Variants in RUFY3 observed in about 807,000 individuals in gnomAD.
RUFY3 encodes protein RUFY3.
Under a neutral mutation model 84.0 loss-of-function variants are expected in RUFY3, and 34 were observed. That is an observed-to-expected ratio of 0.40 (90% CI 0.31 to 0.54). RUFY3 has a LOEUF of 0.54. RUFY3 is among the 20% of genes least tolerant of loss of function. The probability of loss-of-function intolerance (pLI) is 0.39; values close to 1 mark genes in which losing one functional copy is unlikely to be tolerated. For synonymous variants in RUFY3, 242 were observed against 252.9 expected (o/e 0.96, Z 0.41); for missense variants, 507 against 736.8 (o/e 0.69, Z 3.61).
intron 1 of RUFY3, among the ~76,000 whole-genome samples, chr4:70,738,877 A>G (rs1437077485): frequency 6.6e-6 from 1 of 151,698 alleles, no homozygotes; most frequent in African/African-American, 2.4e-5. Context: ...GCCTCAAGAG[A>G]TCCTCCTGTT....
At chr4:70,744,359 T>C (rs1027697381) in intron 1 of RUFY3, among the ~76,000 whole-genome samples, 1 of 123,300 alleles carries the variant, frequency 8.1e-6, no homozygotes, top group Admixed American at 7.7e-5. Flanking sequence ...GGCTAATTTT[T>C]ATGTATGTAT....
intron 6 of RUFY3, among the ~76,000 whole-genome samples, chr4:70,774,020 A>G (rs138693540): frequency 3.3e-5 from 5 of 152,342 alleles, no homozygotes; most frequent in East Asian, 1.9e-4. Context: ...CTCTTCTTGT[A>G]TATCTAAAAT....
upstream of RUFY3, chr4:70,703,998 T>C (rs1008337635): frequency 6.6e-6 from 1 of 152,136 alleles, no homozygotes; most frequent in African/African-American, 2.4e-5. Context: ...GAAAGAAATG[T>C]TTACTTAAGG....
intron 14 of RUFY3, among the ~76,000 whole-genome samples, chr4:70,798,240 G>A (rs546850422): frequency 7.9e-5 from 12 of 151,480 alleles, no homozygotes; most frequent in East Asian, 5.9e-4. Flanking sequence ...GTGGTGGCTC[G>A]TGCCTATAGT....
intron 12 of RUFY3, chr4:70,789,824 A>G: frequency 8.5e-7 from 1 of 1,174,922 alleles, no homozygotes; most frequent in Non-Finnish European, 1.1e-6. Flanking sequence ...AAGAAAGGTC[A>G]GCCTTTTATG....
intron 2 of RUFY3, 67 bp from the exon 3 acceptor site, chr4:70,763,485 G>T: frequency 8.5e-7 from 1 of 1,174,266 alleles, no homozygotes; most frequent in Non-Finnish European, 1.2e-6. Context: ...GTGTATGTGT[G>T]TGTGTATTGA....
At chr4:70,741,575 G>T in intron 1 of RUFY3, 3 of 1,453,672 alleles carry the variant, frequency 2.1e-6, no homozygotes, top group East Asian at 2.5e-5. Context: ...TTTCTTTCTG[G>T]GCTTGCATGA....
chr4:70,712,769 A>G (rs997459783), intron 1 of RUFY3, among the ~76,000 whole-genome samples: 5 of 152,244 alleles, frequency 3.3e-5, no homozygotes, highest in African/African-American at 9.6e-5. Context: ...TAACTAAAAA[A>G]TGGGCTGCCC....
chr4:70,803,067 G>A, intron 16 of RUFY3, 84 bp downstream of exon 16: 1 of 995,372 alleles, frequency 1.0e-6, no homozygotes, highest in Non-Finnish European at 1.6e-6. Flanking sequence ...AAGGTAGCAT[G>A]GGCGGAAGAT....
At chr4:70,716,868 A>G (rs1741692698) in intron 1 of RUFY3, among the ~76,000 whole-genome samples, 2 of 151,862 alleles carry the variant, frequency 1.3e-5, no homozygotes, top group South Asian at 4.1e-4. Flanking sequence ...AAAAGAAAAG[A>G]AAAGAAAAAA....
upstream of RUFY3, chr4:70,721,937 G>A: frequency 8.1e-7 from 1 of 1,231,912 alleles, no homozygotes; most frequent in East Asian, 3.2e-5. Context: ...CAGAGCAGCT[G>A]GTCACATGAG....
At chr4:70,749,398 AT>A (rs1012216270) in intron 1 of RUFY3, among the ~76,000 whole-genome samples, 88 of 151,422 alleles carry the variant, frequency 5.8e-4, no homozygotes, top group Non-Finnish European at 8.4e-4. Flanking sequence ...AAGCTAATAT[AT>A]TTTTTTTTAA....
At chr4:70,767,549 G>A (rs1726185055) in intron 4 of RUFY3, among the ~76,000 whole-genome samples, 1 of 152,022 alleles carries the variant, frequency 6.6e-6, no homozygotes, top group Non-Finnish European at 1.5e-5. Context: ...GTGGACGTAA[G>A]TTTTTAACTC....
rs192782723 is a variant in RUFY3, at chr4:70,754,002, C to T, written c.179-8517C>T. Among the ~76,000 whole-genome samples, 353 of 151,784 alleles carry T rather than the reference C, an allele frequency of 2.3e-3. 1 individual carries two copies. Among genetic ancestry groups the T allele is most frequent in the Non-Finnish European group, 3.6e-3 (246 of 67,962 alleles). ...TCAGTGAAGTTCATCATTGATTATA[C>T]TGTTACCAAGAAAAGGTAGCAATGA... On this transcript the variant is annotated intron_variant, in intron 1 of 17. Transcript: ENST00000381006.
intron 1 of RUFY3, among the ~76,000 whole-genome samples, chr4:70,707,719 A>C (rs1740502841): frequency 6.6e-6 from 1 of 152,110 alleles, no homozygotes; most frequent in Admixed American, 6.5e-5. Context: ...GCAAAAAAAA[A>C]AAAATCACTA....
At chr4:70,786,872 T>C (rs1373072115) in intron 10 of RUFY3, among the ~76,000 whole-genome samples, 2 of 151,770 alleles carry the variant, frequency 1.3e-5, no homozygotes, top group African/African-American at 4.8e-5. Context: ...AAATAAGGGG[T>C]GACTTAACTT....
chr4:70,747,408 T>G (rs553094838), intron 1 of RUFY3, among the ~76,000 whole-genome samples: 1 of 152,258 alleles, frequency 6.6e-6, no homozygotes, highest in South Asian at 2.1e-4. Context: ...ACTAAAGGGT[T>G]GTGACCTTTG....
chr4:70,765,916 C>G (rs1201965575), intron 4 of RUFY3, among the ~76,000 whole-genome samples: 1 of 152,010 alleles, frequency 6.6e-6, no homozygotes, highest in Non-Finnish European at 1.5e-5. Flanking sequence ...GCGCACACCA[C>G]CACACCCAGC....
Position 70,808,560 on chromosome 4 carries a change from C to T in RUFY3, c.*1901C>T, listed in dbSNP as rs1733044124. 1.3e-5 allele frequency among the ~76,000 whole-genome samples: 2 copies of T among 152,062 alleles called. No homozygotes were observed. The highest frequency in any genetic ancestry group is 1.3e-4 in the Admixed American group (2 of 15,272). On this transcript the variant is annotated 3_prime_UTR_variant, in exon 18 of 18. Coordinates refer to ENST00000381006, the MANE Select transcript of RUFY3 (RefSeq NM_001037442.4). ...TGTTATTCCAAAAGTCAGCCTGTTA[C>T]TTGGTGAAGCTGAAGTTTAAGAGTT...
Sources: allele counts gnomAD v4.1 joint callset (sites outside exome capture counted in the v4.1 genomes callset), GRCh38; gene constraint gnomAD v4.1.1; transcripts MANE v1.5; gene names NCBI Gene and HGNC (gene_info 2026-07-23, HGNC 2026-07-21).